Variants in RANBP2 observed in about 807,000 individuals in gnomAD.
RANBP2 encodes the protein E3 SUMO-protein ligase RanBP2.
Under a neutral mutation model 303.6 loss-of-function variants are expected in RANBP2, and 57 were observed. That is an observed-to-expected ratio of 0.19 (90% CI 0.15 to 0.23). RANBP2 has a LOEUF of 0.23. Ranked by LOEUF, RANBP2 falls within the 10% of genes least tolerant of loss-of-function variation. RANBP2 has a pLI of 1.00. For synonymous variants in RANBP2, 1,167 were observed against 1,301.5 expected (o/e 0.90, Z 2.23); for missense variants, 3,138 against 3,780.8 (o/e 0.83, Z 4.46).
downstream of RANBP2, among the ~76,000 whole-genome samples, chr2:108,787,580 A>T (rs1679102061): frequency 6.6e-6 from 1 of 152,224 alleles, no homozygotes; most frequent in African/African-American, 2.4e-5. Context: ...AATTATCTCG[A>T]TAAAACCTTT....
At chr2:108,786,897 G>C (rs1678877538), downstream of RANBP2, 1 of 1,554,730 alleles carries the variant, frequency 6.4e-7, no homozygotes, top group Non-Finnish European at 8.7e-7. Flanking sequence ...ACGGACTCGG[G>C]GGCAGCTGCC....
the RANBP2 span, among the ~76,000 whole-genome samples, chr2:109,580,772 G>A: frequency 1.3e-5 from 2 of 152,196 alleles, no homozygotes; most frequent in Admixed American, 6.5e-5. Flanking sequence ...ATAAAACTGT[G>A]ACCACTGAAA....
chr2:108,730,648 G>A, intron 2 of RANBP2, 126 bp from the exon 3 acceptor site: 1 of 1,308,226 alleles, frequency 7.6e-7, no homozygotes. Flanking sequence ...TGTATGAATA[G>A]CGGTAGTTTT....
At chr2:109,531,050 C>T in the RANBP2 span, among the ~76,000 whole-genome samples, 1 of 152,192 alleles carries the variant, frequency 6.6e-6, no homozygotes, top group Non-Finnish European at 1.5e-5. Context: ...CTAGCCCACA[C>T]CCAGGCCTTG....
At chr2:109,572,926 T>C in the RANBP2 span, among the ~76,000 whole-genome samples, 1 of 152,226 alleles carries the variant, frequency 6.6e-6, no homozygotes, top group Admixed American at 6.5e-5. Flanking sequence ...AACAACCTTC[T>C]TATGTAAAAT....
chr2:108,972,889 T>C, the RANBP2 span, among the ~76,000 whole-genome samples: 381 of 152,378 alleles, frequency 2.5e-3, 1 homozygote, highest in Non-Finnish European at 4.2e-3. Flanking sequence ...TAGAGCTCTC[T>C]GAGCTGGGCA....
chr2:109,276,650 T>C, the RANBP2 span, among the ~76,000 whole-genome samples: 1 of 152,228 alleles, frequency 6.6e-6, no homozygotes, highest in Non-Finnish European at 1.5e-5. Flanking sequence ...GCTGGACAAA[T>C]CTGAACTGTT....
At chr2:109,168,816 G>A in the RANBP2 span, among the ~76,000 whole-genome samples, 1 of 152,304 alleles carries the variant, frequency 6.6e-6, no homozygotes, top group Admixed American at 6.5e-5. Flanking sequence ...TTCCTGGTGG[G>A]CAACTGTGTT....
Position 108,742,060 on chromosome 2 carries a change from G to A in RANBP2, c.975+1379G>A, listed in dbSNP as rs190202120. Among the ~76,000 whole-genome samples, 785 of 148,832 alleles carry A rather than the reference G, an allele frequency of 5.3e-3. 4 individuals carry two copies. The highest frequency in any genetic ancestry group is 0.022 in the South Asian group (101 of 4,644). ...TGCCCAGGCTGGAGTGCAGTGGCGC[G>A]ATCTGGCTCACTGCAACCTCTGCCT... is the stretch of plus-strand genomic sequence containing the variant. On this transcript the variant is annotated intron_variant, in intron 7 of 28. Transcript: ENST00000283195.
the RANBP2 span, chr2:109,585,351 T>C: frequency 7.2e-6 from 11 of 1,521,778 alleles, no homozygotes; most frequent in Admixed American, 2.0e-5. Flanking sequence ...ATCTTTATGG[T>C]TGCATGAATG....
chr2:109,464,593 C>A, the RANBP2 span, among the ~76,000 whole-genome samples: 4 of 152,208 alleles, frequency 2.6e-5, no homozygotes, highest in African/African-American at 7.2e-5. Context: ...AATCGATTTC[C>A]TCTTCTAAAA....
the RANBP2 span, among the ~76,000 whole-genome samples, chr2:109,515,886 C>T: frequency 6.6e-6 from 1 of 152,262 alleles, no homozygotes; most frequent in Admixed American, 6.5e-5. Context: ...ACGCACCAAG[C>T]CATTCCTGAG....
At chr2:108,951,738 T>A in the RANBP2 span, among the ~76,000 whole-genome samples, 1 of 151,980 alleles carries the variant, frequency 6.6e-6, no homozygotes, top group African/African-American at 2.4e-5. Context: ...TTTCTGCGAG[T>A]CCACGAGGTT....
chr2:108,930,906 C>T, the RANBP2 span: 4 of 1,583,402 alleles, frequency 2.5e-6, no homozygotes, highest in African/African-American at 1.3e-5. Flanking sequence ...GGCCAAGAAA[C>T]AGTCCAACCA....
chr2:109,318,951 C>G, the RANBP2 span, among the ~76,000 whole-genome samples: 2 of 152,218 alleles, frequency 1.3e-5, no homozygotes, highest in African/African-American at 4.8e-5. Context: ...CATAACTTCC[C>G]TGAGAACATT....
At chr2:109,364,587 A>G in the RANBP2 span, among the ~76,000 whole-genome samples, 2 of 152,228 alleles carry the variant, frequency 1.3e-5, no homozygotes, top group Admixed American at 1.3e-4. Flanking sequence ...ACTGCTGTAA[A>G]TAGGCCTTTG....
chr2:109,582,079 C>T, the RANBP2 span, among the ~76,000 whole-genome samples: 6 of 21,438 alleles, frequency 2.8e-4, no homozygotes, highest in Admixed American at 1.5e-3. Context: ...ACAACAGACA[C>T]ACACACACAC....
the RANBP2 span, among the ~76,000 whole-genome samples, chr2:109,397,091 G>A: frequency 3.1e-4 from 47 of 152,262 alleles, no homozygotes; most frequent in African/African-American, 1.1e-3. Flanking sequence ...GCCCAGTTGT[G>A]CTGCTGCAGA....
the RANBP2 span, among the ~76,000 whole-genome samples, chr2:109,629,592 C>CACT: frequency 1.3e-5 from 2 of 151,634 alleles, no homozygotes; most frequent in African/African-American, 2.4e-5. Flanking sequence ...GCAGGTGGAT[C>CACT]ACTAGGTCAG....
Sources: allele counts gnomAD v4.1 joint callset (sites outside exome capture counted in the v4.1 genomes callset), GRCh38; gene constraint gnomAD v4.1.1; transcripts MANE v1.5; gene names NCBI Gene and HGNC (gene_info 2026-07-23, HGNC 2026-07-21).